The following SLCO6A1 variants were observed in gnomAD, a reference collection of about 807,000 sequenced individuals.
The protein encoded by SLCO6A1 is cancer/testis antigen 48.
In SLCO6A1, 65 loss-of-function variants were observed where a neutral mutation model predicts 72.7. The observed-to-expected ratio is 0.89, with a 90% confidence interval of 0.73 to 1.10. SLCO6A1 has a LOEUF of 1.10. Among genes scored for constraint, SLCO6A1 ranks in the 50% least tolerant of loss-of-function variants. SLCO6A1 has a pLI of 0.00. For synonymous variants in SLCO6A1, 314 were observed against 298.2 expected, an observed-to-expected ratio of 1.05 and a Z score of -0.55; for missense variants, 874 against 872.6, an observed-to-expected ratio of 1.00 and a Z score of -0.02.
chr5:102,491,990 G>C (rs1046530684), intron 1 of SLCO6A1, among the ~76,000 whole-genome samples: 4 of 152,260 alleles, frequency 2.6e-5, no homozygotes, highest in African/African-American at 9.6e-5. Flanking sequence ...ATTGTGGAAA[G>C]TGAAGCGAAA....
At chr5:102,445,729 CTTAAG>C (rs979620922) in intron 6 of SLCO6A1, among the ~76,000 whole-genome samples, 1 of 152,110 alleles carries the variant, frequency 6.6e-6, no homozygotes, top group Non-Finnish European at 1.5e-5. Context: ...TTTAATCCAT[CTTAAG>C]TTGATTTTTG....
chr5:102,378,039 T>C (rs1745902290), intron 12 of SLCO6A1, among the ~76,000 whole-genome samples: 2 of 151,840 alleles, frequency 1.3e-5, no homozygotes, highest in East Asian at 1.9e-4. Flanking sequence ...TATTTTCTTT[T>C]AATAAACAAG....
At chr5:102,472,275 T>C (rs1396456874) in intron 4 of SLCO6A1, among the ~76,000 whole-genome samples, 5 of 152,114 alleles carry the variant, frequency 3.3e-5, no homozygotes, top group African/African-American at 9.7e-5. Flanking sequence ...GTCTGGTAGT[T>C]ACCAAAACGT....
chr5:102,470,919 G>A, intron 4 of SLCO6A1, among the ~76,000 whole-genome samples: 1 of 152,036 alleles, frequency 6.6e-6, no homozygotes, highest in South Asian at 2.1e-4. Flanking sequence ...TTTGTTTAGT[G>A]CACTGGTTTT....
intron 6 of SLCO6A1, among the ~76,000 whole-genome samples, chr5:102,440,959 T>C (rs1470411915): frequency 6.6e-6 from 1 of 152,180 alleles, no homozygotes; most frequent in Non-Finnish European, 1.5e-5. Context: ...ACTGGCTCTT[T>C]CTATCTCTGT....
intron 9 of SLCO6A1, among the ~76,000 whole-genome samples, chr5:102,407,967 C>T (rs1747761704): frequency 6.6e-6 from 1 of 152,174 alleles, no homozygotes; most frequent in South Asian, 2.1e-4. Flanking sequence ...GGATTGCTGA[C>T]CTTAGAACTG....
intron 7 of SLCO6A1, among the ~76,000 whole-genome samples, chr5:102,433,426 T>C (rs1485026727): frequency 6.6e-6 from 1 of 152,196 alleles, no homozygotes; most frequent in African/African-American, 2.4e-5. Context: ...TCCTGTCCTT[T>C]GGATTTTTTT....
In SLCO6A1 at chr5:102,399,614, G is replaced by T; in HGVS notation, c.1755C>A (p.Ile585=). 6.2e-7 allele frequency: 1 copy of T among 1,605,438 alleles called. No homozygotes were observed. The highest frequency in any genetic ancestry group is 8.5e-7 in the Non-Finnish European group (1 of 1,174,528). ...CYKLPLFIAF[I]FSTLIFSGFS... ...AACCAGAAAATATAAGTGTAGAAAA[G>T]ATAAAAGCAATGAACAAAGGTAACT... The change falls in exon 10 of 14, where the codon ATC becomes ATA. Residue 585 remains isoleucine (I), a synonymous_variant. Transcript: ENST00000506729.
intron 12 of SLCO6A1, among the ~76,000 whole-genome samples, chr5:102,386,047 A>G (rs1746400373): frequency 6.6e-6 from 1 of 152,042 alleles, no homozygotes; most frequent in Non-Finnish European, 1.5e-5. Flanking sequence ...TTTCCTGATT[A>G]TTTGTAATCC....
chr5:102,491,339 C>T (rs1752665875), intron 1 of SLCO6A1, among the ~76,000 whole-genome samples: 1 of 152,244 alleles, frequency 6.6e-6, no homozygotes, highest in African/African-American at 2.4e-5. Context: ...CCAGTGGATC[C>T]CCTACCGGGG....
chr5:102,452,794 G>C (rs910004038), intron 6 of SLCO6A1, among the ~76,000 whole-genome samples: 1 of 152,130 alleles, frequency 6.6e-6, no homozygotes, highest in Non-Finnish European at 1.5e-5. Context: ...CTCAGGAGAA[G>C]TATATTTAAA....
chr5:102,409,503 G>A lies in SLCO6A1; in HGVS notation c.1626+3487C>T, dbSNP rs187591121. On this transcript the variant is annotated intron_variant, in intron 9 of 13. Transcript: ENST00000506729. The stretch of plus-strand genomic sequence containing the variant: ...TTGTTAAGATTTTTTTATTGGTATC[G>A]ATCTTTTCCCATTTGAAATTGATGC... Among the ~76,000 whole-genome samples the A allele has an allele frequency of 2.2e-3, 327 of 151,710 alleles. 1 individual carries two copies. The highest frequency in any genetic ancestry group is 3.7e-3 in the Non-Finnish European group (254 of 67,856).
Position 102,396,954 on chromosome 5 carries a change from G to A in SLCO6A1, c.1814+2601C>T, listed in dbSNP as rs78722046. On this transcript the variant is annotated intron_variant, in intron 10 of 13. Coordinates refer to ENST00000506729, the MANE Select transcript of SLCO6A1 (RefSeq NM_173488.5). ...CCCTCATGACCTCATCTAATCCTAA[G>A]TACTTCCCAAAAGTTCCACCTCTCA... Among the ~76,000 whole-genome samples the A allele has an allele frequency of 8.1e-3, 1,238 of 152,126 alleles. 14 individuals carry two copies. Among genetic ancestry groups the A allele is most frequent in the Non-Finnish European group, 0.015 (1,009 of 67,994 alleles).
At chr5:102,484,082 C>G (rs1264690947) in intron 1 of SLCO6A1, among the ~76,000 whole-genome samples, 1 of 152,178 alleles carries the variant, frequency 6.6e-6, no homozygotes, top group Non-Finnish European at 1.5e-5. Flanking sequence ...AAGGTTCCAC[C>G]ACAAGAGTCA....
chr5:102,398,576 T>A (rs541679832), intron 10 of SLCO6A1, among the ~76,000 whole-genome samples: 7 of 152,324 alleles, frequency 4.6e-5, no homozygotes, highest in African/African-American at 1.7e-4. Context: ...AAATGCCATC[T>A]GATCACTTTC....
intron 6 of SLCO6A1, among the ~76,000 whole-genome samples, chr5:102,453,238 G>A (rs1164304234): frequency 6.6e-6 from 1 of 151,668 alleles, no homozygotes; most frequent in Non-Finnish European, 1.5e-5. Flanking sequence ...GTGCACCTAC[G>A]GTCCCAGCTA....
chr5:102,490,466 A>G (rs968563251), intron 1 of SLCO6A1, among the ~76,000 whole-genome samples: 6 of 152,230 alleles, frequency 3.9e-5, no homozygotes, highest in Non-Finnish European at 8.8e-5. Flanking sequence ...GAACTACTTG[A>G]GACTGGATAA....
intron 1 of SLCO6A1, among the ~76,000 whole-genome samples, chr5:102,483,792 G>A (rs1027971717): frequency 6.2e-4 from 94 of 152,236 alleles, no homozygotes; most frequent in African/African-American, 2.2e-3. Context: ...GGGGTTTCAT[G>A]TTTCTCAGGT....
At chr5:102,395,961 A>C (rs1277194911) in intron 10 of SLCO6A1, among the ~76,000 whole-genome samples, 1 of 151,996 alleles carries the variant, frequency 6.6e-6, no homozygotes. Flanking sequence ...AGATGAGTAG[A>C]TTGCAAAAAT....
Sources: allele counts gnomAD v4.1 joint callset (sites outside exome capture counted in the v4.1 genomes callset), GRCh38; gene constraint gnomAD v4.1.1; transcripts MANE v1.5; gene names NCBI Gene and HGNC (gene_info 2026-07-23, HGNC 2026-07-21).